The following SLC12A6 variants were observed in gnomAD, a reference collection of about 807,000 sequenced individuals.
The protein encoded by SLC12A6 is K-Cl cotransporter 3.
Under a neutral mutation model 135.3 loss-of-function variants are expected in SLC12A6, and 66 were observed. That is an observed-to-expected ratio of 0.49 (90% CI 0.40 to 0.60). SLC12A6 has a LOEUF of 0.60. SLC12A6 is among the 20% of genes least tolerant of loss of function. The probability of loss-of-function intolerance (pLI) is 0.00; values close to 1 mark genes in which losing one functional copy is unlikely to be tolerated. For synonymous variants in SLC12A6, 513 were observed against 508.8 expected, an observed-to-expected ratio of 1.01 and a Z score of -0.11; for missense variants, 1,058 against 1,452.3, an observed-to-expected ratio of 0.73 and a Z score of 4.41.
chr15:34,238,883 C>G, intron 20 of SLC12A6, 82 bp downstream of exon 20: 2 of 1,227,914 alleles, frequency 1.6e-6, no homozygotes, highest in Non-Finnish European at 2.4e-6. Flanking sequence ...ATAGTCTCTA[C>G]TTTAGGAGGC....
chr15:34,231,287 A>T lies in SLC12A6; in HGVS notation c.*2594T>A, dbSNP rs189869220. 23 of 151,996 alleles carry T rather than the reference A, an allele frequency of 1.5e-4. No homozygotes were observed. The highest frequency in any genetic ancestry group is 5.6e-4 in the African/African-American group (23 of 41,408). 9.4% of individuals were successfully genotyped at this position (151,996 alleles called of 1,614,324 possible). A position where few individuals can be genotyped will look rare whatever the true frequency, so the allele number is the denominator to read the frequency against. On this transcript the variant is annotated 3_prime_UTR_variant, in exon 26 of 26. Coordinates refer to ENST00000354181, the MANE Select transcript of SLC12A6 (RefSeq NM_001365088.1). The stretch of plus-strand genomic sequence containing the variant: ...TGAGGCAGGAGAATCGCTTGAACCC[A>T]GGAGGCAGAGGTTGCGGTGAGCCAA...
chr15:34,286,993 G>A lies in SLC12A6; in HGVS notation c.272-11604C>T, dbSNP rs111823574. On this transcript the variant is annotated intron_variant, in intron 2 of 25. Coordinates refer to ENST00000354181, the MANE Select transcript of SLC12A6 (RefSeq NM_001365088.1). Reference sequence around the variant, plus strand: ...CAAAGCAAAGCAAATGCCAAAGCAAGTACTTTTTTTTTTAAATACTTTAAG... The same window carrying A: ...CAAAGCAAAGCAAATGCCAAAGCAAATACTTTTTTTTTTAAATACTTTAAG... Among the ~76,000 whole-genome samples the A allele has an allele frequency of 2.3e-3, 348 of 150,482 alleles. 3 individuals are homozygous for A. Among genetic ancestry groups the A allele is most frequent in the African/African-American group, 8.0e-3 (328 of 41,172 alleles).
chr15:34,255,749 T>C (rs113186584), intron 7 of SLC12A6, among the ~76,000 whole-genome samples: 5,541 of 151,928 alleles, frequency 0.036, 176 homozygotes, highest in South Asian at 0.056. Flanking sequence ...GGCGAGAGGA[T>C]TGCTTGAGGC....
intron 2 of SLC12A6, among the ~76,000 whole-genome samples, chr15:34,316,488 T>C (rs544496133): frequency 4.2e-4 from 64 of 152,340 alleles, no homozygotes; most frequent in Middle Eastern, 6.8e-3. Context: ...CAAGTGCAAT[T>C]TAGATAATAT....
intron 2 of SLC12A6, among the ~76,000 whole-genome samples, chr15:34,289,006 A>G (rs28762482): frequency 0.027 from 4,159 of 152,300 alleles, 194 homozygotes; most frequent in African/African-American, 0.095. Flanking sequence ...CCCTGGCCAG[A>G]ACTTTCAACA....
chr15:34,245,774 A>T lies in SLC12A6; in HGVS notation c.1743T>A (p.Cys581Ter). ...CTGTGAGGCTCTGAAGTCCAGCCCC[A>T]CATGTTGAAAAGAAGGAGCCAATAA... is the stretch of plus-strand genomic sequence containing the variant. ...VIVIGSFFST[C>*]GAGLQSLTGA... The change falls in exon 14 of 26, where the codon TGT becomes TGA. Residue 581 changes from cysteine (C) to a stop codon, truncating the protein, a stop_gained. Coordinates refer to ENST00000354181, the MANE Select transcript of SLC12A6 (RefSeq NM_001365088.1). LOFTEE classifies it high-confidence loss of function. 2 of 1,613,786 alleles carry T rather than the reference A, an allele frequency of 1.2e-6. No individual in the cohort carries two copies. The highest frequency in any genetic ancestry group is 1.7e-6 in the Non-Finnish European group (2 of 1,179,674).
intron 17 of SLC12A6, among the ~76,000 whole-genome samples, 194 bp downstream of exon 17, chr15:34,241,908 T>C (rs1305253856): frequency 6.6e-6 from 1 of 152,238 alleles, no homozygotes; most frequent in African/African-American, 2.4e-5. Context: ...CATTGATCCA[T>C]TCATACTTTC....
chr15:34,315,823 C>T (rs1027632408), intron 2 of SLC12A6, among the ~76,000 whole-genome samples: 5 of 151,986 alleles, frequency 3.3e-5, no homozygotes, highest in Admixed American at 2.0e-4. Flanking sequence ...ACTAAGAATA[C>T]AAAAAATTAG....
intron 19 of SLC12A6, among the ~76,000 whole-genome samples, chr15:34,239,879 A>C (rs1595406909): frequency 6.6e-6 from 1 of 152,146 alleles, no homozygotes; most frequent in Admixed American, 6.5e-5. Context: ...TTTTACCATC[A>C]TTCTGGAGTA....
intron 3 of SLC12A6, among the ~76,000 whole-genome samples, chr15:34,269,001 C>T (rs933465493): frequency 1.3e-5 from 2 of 151,858 alleles, no homozygotes; most frequent in African/African-American, 4.8e-5. Context: ...GAATTATAGG[C>T]GCCTGCCACC....
chr15:34,291,690 T>G (rs942781123), intron 2 of SLC12A6, among the ~76,000 whole-genome samples: 4 of 152,060 alleles, frequency 2.6e-5, no homozygotes, highest in Admixed American at 6.6e-5. Flanking sequence ...TCTTTTCACT[T>G]TTTTTTCTCT....
At chr15:34,323,601 C>G (rs1415184433) in intron 2 of SLC12A6, among the ~76,000 whole-genome samples, 1 of 152,200 alleles carries the variant, frequency 6.6e-6, no homozygotes, top group Non-Finnish European at 1.5e-5. Context: ...TGTGGAAAAA[C>G]TGTCTTCCAT....
At chr15:34,251,469 G>A (rs1240630523) in intron 10 of SLC12A6, among the ~76,000 whole-genome samples, 1 of 151,962 alleles carries the variant, frequency 6.6e-6, no homozygotes, top group South Asian at 2.1e-4. Flanking sequence ...GGATGGTCTC[G>A]ATCTCCTGAC....
chr15:34,305,262 G>C (rs1429869991), intron 2 of SLC12A6, among the ~76,000 whole-genome samples: 1 of 152,036 alleles, frequency 6.6e-6, no homozygotes, highest in African/African-American at 2.4e-5. Context: ...GAAGTCTTTA[G>C]CTCAGGAAAT....
chr15:34,331,645 G>T (rs1889857897), intron 2 of SLC12A6, among the ~76,000 whole-genome samples: 1 of 152,136 alleles, frequency 6.6e-6, no homozygotes, highest in African/African-American at 2.4e-5. Flanking sequence ...AGGTGTAAAT[G>T]ATTTTGTATC....
chr15:34,303,524 T>C (rs80226216), intron 2 of SLC12A6, among the ~76,000 whole-genome samples: 4,374 of 151,956 alleles, frequency 0.029, 222 homozygotes, highest in African/African-American at 0.1. Flanking sequence ...AGTTCCTCTT[T>C]AAAAAAAATA....
At chr15:34,326,858 CTTTTTTTTTTTTTTT>C (rs397963192) in intron 2 of SLC12A6, among the ~76,000 whole-genome samples, 2 of 72,176 alleles carry the variant, frequency 2.8e-5, no homozygotes, top group East Asian at 6.3e-4. Flanking sequence ...CAACTGGCTG[CTTTTTTTTTTTTTTT>C]TTTTTTTTTT....
intron 2 of SLC12A6, among the ~76,000 whole-genome samples, chr15:34,298,088 C>A (rs1156379276): frequency 1.3e-5 from 2 of 152,130 alleles, no homozygotes; most frequent in Non-Finnish European, 2.9e-5. Context: ...ATATCAAAAA[C>A]AGTGACCATT....
intron 4 of SLC12A6, among the ~76,000 whole-genome samples, chr15:34,259,798 T>C (rs1308145108): frequency 1.3e-5 from 2 of 152,218 alleles, no homozygotes; most frequent in African/African-American, 2.4e-5. Context: ...TCAGATAAGA[T>C]ATAGAAGTCC....
Sources: gnomAD v4.1 joint callset for allele counts (sites outside exome capture counted in the v4.1 genomes callset) on GRCh38, gnomAD v4.1.1 for gene constraint, MANE v1.5 for transcripts, NCBI Gene and HGNC (gene_info 2026-07-23, HGNC 2026-07-21) for gene names.